SLC25A23: variants seen among roughly 807,000 people sequenced by gnomAD.
SLC25A23 encodes the protein solute carrier family 25 member 23.
SLC25A23 carries 32 observed loss-of-function variants against 53.9 expected under a neutral mutation model. The ratio of observed to expected loss-of-function variants is 0.59; its 90% CI spans 0.45 to 0.80. The LOEUF is 0.80. SLC25A23 is among the 30% of genes least tolerant of loss of function. The pLI is 0.00. For missense variants in SLC25A23, 575 were observed against 651.4 expected (o/e 0.88, Z 1.28); for synonymous variants, 275 against 264.5 (o/e 1.04, Z -0.38).
chr19:6,446,329 C>T (rs1047033474), intron 8 of SLC25A23, among the ~76,000 whole-genome samples: 16 of 152,190 alleles, frequency 1.1e-4, no homozygotes, highest in African/African-American at 3.9e-4. Context: ...CACCACTGCA[C>T]TCCAGCCTGG....
In SLC25A23 at chr19:6,441,225, C is replaced by T. The variant is rs2092416765; in HGVS notation, c.*750G>A. ...TTAAAAAAAAACAAAAAACCAAAAACCAATGCAGGAATCCAGTGGGTGGAG... is the reference window on the plus strand; with the variant it reads ...TTAAAAAAAAACAAAAAACCAAAAATCAATGCAGGAATCCAGTGGGTGGAG... On this transcript the variant is annotated 3_prime_UTR_variant, in exon 10 of 10. Transcript: ENST00000301454. 6.6e-6 allele frequency: 1 copy of T among 152,262 alleles called. No individual in the cohort carries two copies. Among genetic ancestry groups the T allele is most frequent in the Non-Finnish European group, 1.5e-5 (1 of 68,144 alleles). The allele number at this position is 152,262 out of a possible 1,614,324, so 9.4% of individuals were successfully genotyped here.
At chr19:6,455,498 T>C (rs560212541) in intron 4 of SLC25A23, among the ~76,000 whole-genome samples, 2 of 152,154 alleles carry the variant, frequency 1.3e-5, no homozygotes, top group African/African-American at 4.8e-5. Flanking sequence ...GTCTAGAATT[T>C]CTAACCAAGG....
At chr19:6,439,048 C>T (rs1374449827), downstream of SLC25A23, among the ~76,000 whole-genome samples, 1 of 150,302 alleles carries the variant, frequency 6.7e-6, no homozygotes. Flanking sequence ...CACAAACAAA[C>T]AAGCAAGCAC....
rs1460935540 is a variant in SLC25A23 at position 6,440,484 on chromosome 19, A to C, written c.*1491T>G. The C allele has an allele frequency of 6.6e-6, 1 of 151,246 alleles. No individual in the cohort carries two copies. The highest frequency in any genetic ancestry group is 6.6e-5 in the Admixed American group (1 of 15,112). 9.4% of individuals were successfully genotyped at this position (151,246 alleles called of 1,614,324 possible). On this transcript the variant is annotated 3_prime_UTR_variant, in exon 10 of 10. Coordinates refer to ENST00000301454, the MANE Select transcript of SLC25A23 (RefSeq NM_024103.3). Reference sequence around the variant, plus strand: ...AGTGCTGGGGTGGGGACATCCCTTCATGTGTCCCTGGCCTCAGACTGTCTC... The same window carrying C: ...AGTGCTGGGGTGGGGACATCCCTTCCTGTGTCCCTGGCCTCAGACTGTCTC...
intron 8 of SLC25A23, among the ~76,000 whole-genome samples, chr19:6,449,357 A>G (rs1599317285): frequency 6.6e-6 from 1 of 150,946 alleles, no homozygotes; most frequent in South Asian, 2.1e-4. Flanking sequence ...GGCTCAAGCA[A>G]TTCTCCCATC....
downstream of SLC25A23, chr19:6,438,715 G>A: frequency 3.9e-6 from 1 of 256,472 alleles, no homozygotes; most frequent in Non-Finnish European, 8.4e-6. Context: ...CGGGTGTGGT[G>A]GTGCGCACCT....
chr19:6,456,082 G>A, intron 4 of SLC25A23: 1 of 1,368,036 alleles, frequency 7.3e-7, no homozygotes, highest in African/African-American at 1.5e-5. Flanking sequence ...AGAGAACCCA[G>A]CAGAAGAGAG....
intron 9 of SLC25A23, chr19:6,443,432 T>C: frequency 1.8e-6 from 1 of 556,616 alleles, no homozygotes. Flanking sequence ...CTTGCTATGT[T>C]GCCCGGGCTG....
rs1036085818 is a variant in SLC25A23, at chr19:6,459,362, G to A, written c.156+111C>T. ...GGAACGAGACAGAGACACAGGTTCT[G>A]GAGTCCAGCCACAGGTAGTCCCTGG... On this transcript the variant is annotated intron_variant, in intron 1 of 9. Coordinates refer to ENST00000301454, the MANE Select transcript of SLC25A23 (RefSeq NM_024103.3). The surrounding 1 kb of genome is among the most constrained non-coding windows in gnomAD (Gnocchi z 4.6). 6.6e-6 allele frequency: 6 copies of A among 904,370 alleles called. No individual in the cohort carries two copies. Among genetic ancestry groups the A allele is most frequent in the Admixed American group, 6.7e-5 (2 of 29,900 alleles). 56.0% of individuals were successfully genotyped at this position (904,370 alleles called of 1,614,324 possible).
chr19:6,450,497 C>T (rs2092572972), intron 8 of SLC25A23, among the ~76,000 whole-genome samples: 1 of 152,132 alleles, frequency 6.6e-6, no homozygotes. Flanking sequence ...AATGGGCATT[C>T]CAGGATGGCA....
At position 6,459,624 on chromosome 19, in the gene SLC25A23, C is replaced by T; in HGVS notation, c.5G>A (p.Arg2Gln). ...CCGCTCCGCGTCGCCCGGGCTCCCC[C>T]GCATGGCGCCCGCCCGGGGGGGAGG... is the stretch of plus-strand genomic sequence containing the variant. M[R>Q]GSPGDAERRQ... is the part of the protein sequence containing the mutation. The change falls in exon 1 of 10, where the codon CGG becomes CAG. Residue 2 changes from arginine to glutamine, a missense_variant. Transcript: ENST00000301454. The surrounding 1 kb of genome is among the most constrained non-coding windows in gnomAD (Gnocchi z 4.6). 3 of 1,498,562 alleles carry T rather than the reference C, an allele frequency of 2.0e-6. No homozygotes were observed. The highest frequency in any genetic ancestry group is 1.3e-5 in the South Asian group (1 of 77,674). 92.8% of individuals were successfully genotyped at this position (1,498,562 alleles called of 1,614,324 possible).
chr19:6,445,095 G>A (rs1471740898), intron 8 of SLC25A23, among the ~76,000 whole-genome samples: 1 of 151,394 alleles, frequency 6.6e-6, no homozygotes, highest in African/African-American at 2.4e-5. Context: ...GAGCCACCAT[G>A]CCTGGCACAA....
At position 6,457,556 on chromosome 19, in the gene SLC25A23, G is replaced by GAA; in HGVS notation, c.316_317dup (p.Arg107SerfsTer26). ...GCGAGATGGAAATGCCCAGAGCTCG[G>GAA]AAACTCTGTTGGATCTCAGAGACAT... On this transcript the variant is annotated frameshift_variant, in exon 3 of 10. Coordinates refer to ENST00000301454, the MANE Select transcript of SLC25A23 (RefSeq NM_024103.3). LOFTEE classifies it high-confidence loss of function. The GAA allele has an allele frequency of 6.2e-7, 1 of 1,614,058 alleles. No homozygotes were observed. Among genetic ancestry groups the GAA allele is most frequent in the Admixed American group, 1.7e-5 (1 of 60,012 alleles).
downstream of SLC25A23, chr19:6,436,131 C>G (rs963358084): frequency 1.9e-5 from 4 of 211,094 alleles, no homozygotes; most frequent in African/African-American, 9.0e-5. Context: ...GACGAATTAC[C>G]CCCCCGCCAA....
At position 6,442,166 on chromosome 19, in the gene SLC25A23, G is replaced by C; in HGVS notation, c.1223-7C>G. ...GGGCCACCCTCGATGGAGGCTGGGA[G>C]GGGGCGGGGGGGGCACCAGGTAAGG... On this transcript the variant is annotated splice_polypyrimidine_tract_variant and splice_region_variant and intron_variant, in intron 9 of 9. Coordinates refer to ENST00000301454, the MANE Select transcript of SLC25A23 (RefSeq NM_024103.3). 1 of 1,440,976 alleles carries C rather than the reference G, an allele frequency of 6.9e-7. No homozygotes were observed. The highest frequency in any genetic ancestry group is 9.4e-7 in the Non-Finnish European group (1 of 1,068,400). 89.3% of individuals were successfully genotyped at this position (1,440,976 alleles called of 1,614,324 possible).
intron 8 of SLC25A23, among the ~76,000 whole-genome samples, chr19:6,447,755 C>T (rs2092527417): frequency 2.0e-5 from 3 of 152,166 alleles, no homozygotes. Flanking sequence ...ACTGCAACCT[C>T]CACCTCCCGG....
In SLC25A23 at chr19:6,440,592, G is replaced by A. The variant is rs2092406765; in HGVS notation, c.*1383C>T. 1 of 151,758 alleles carries A rather than the reference G, an allele frequency of 6.6e-6. No individual in the cohort carries two copies. The highest frequency in any genetic ancestry group is 6.6e-5 in the Admixed American group (1 of 15,200). The allele number at this position is 151,758 out of a possible 1,614,324, so 9.4% of individuals were successfully genotyped here. A position where few individuals can be genotyped will look rare whatever the true frequency, so the allele number is the denominator to read the frequency against. On this transcript the variant is annotated 3_prime_UTR_variant, in exon 10 of 10. Transcript: ENST00000301454. Reference sequence around the variant, plus strand: ...GGGACTATTCGCCTAGAAGGTGGGAGGGGGATGGAAGATGCTGTGAAGTGT... The same window carrying A: ...GGGACTATTCGCCTAGAAGGTGGGAAGGGGATGGAAGATGCTGTGAAGTGT...
At chr19:6,439,426 C>G (rs111535315), downstream of SLC25A23, among the ~76,000 whole-genome samples, 184 of 151,092 alleles carry the variant, frequency 1.2e-3, no homozygotes, top group African/African-American at 4.4e-3. Context: ...CACACACACA[C>G]ACACACACAG....
At chr19:6,445,350 C>G (rs990891191) in intron 8 of SLC25A23, among the ~76,000 whole-genome samples, 1 of 152,048 alleles carries the variant, frequency 6.6e-6, no homozygotes, top group Non-Finnish European at 1.5e-5. Flanking sequence ...TTCAGGTGAT[C>G]CACCTGCCTC....
Sources: allele counts gnomAD v4.1 joint callset (sites outside exome capture counted in the v4.1 genomes callset), GRCh38; gene constraint gnomAD v4.1.1; non-coding constraint Gnocchi (gnomAD v3.1); transcripts MANE v1.5; gene names NCBI Gene and HGNC (gene_info 2026-07-23, HGNC 2026-07-21).